The following CSMD1 variants were observed in gnomAD, a reference collection of about 807,000 sequenced individuals.
The protein encoded by CSMD1 is CUB and sushi domain-containing protein 1.
A neutral mutation model predicts 417.5 loss-of-function variants in CSMD1; 213 were observed. That is an observed-to-expected ratio of 0.51 (90% confidence interval 0.46 to 0.57). The LOEUF is 0.57. Among genes scored for constraint, CSMD1 ranks in the 20% least tolerant of loss-of-function variants. CSMD1 has a pLI of 0.00. For synonymous variants in CSMD1, 2,862 were observed against 1,736.8 expected (o/e 1.65, Z -16.11); for missense variants, 6,923 against 4,529.7 (o/e 1.53, Z -15.17).
intron 7 of CSMD1, among the ~76,000 whole-genome samples, chr8:3,639,295 T>C (rs537470813): frequency 1.3e-5 from 2 of 152,332 alleles, no homozygotes; most frequent in East Asian, 3.9e-4. Context: ...TTATTATTAC[T>C]ATTTTTGCTT....
chr8:4,051,734 A>C (rs886266942), intron 3 of CSMD1, among the ~76,000 whole-genome samples: 1 of 152,172 alleles, frequency 6.6e-6, no homozygotes, highest in Non-Finnish European at 1.5e-5. Context: ...GGATTAAAGA[A>C]AGGCAAAGAA....
chr8:3,537,478 G>A (rs374508288), intron 10 of CSMD1, among the ~76,000 whole-genome samples: 13 of 152,132 alleles, frequency 8.5e-5, no homozygotes, highest in East Asian at 3.9e-4. Flanking sequence ...TATGTAAAGT[G>A]ATTTCCTCAG....
intron 1 of CSMD1, among the ~76,000 whole-genome samples, chr8:4,790,636 A>C (rs930420959): frequency 7.9e-5 from 12 of 152,166 alleles, no homozygotes; most frequent in African/African-American, 2.7e-4. Context: ...AAGCAGACAC[A>C]TAGACCAATG....
intron 4 of CSMD1, among the ~76,000 whole-genome samples, chr8:4,025,368 G>C (rs922348370): frequency 1.3e-5 from 2 of 152,126 alleles, no homozygotes; most frequent in African/African-American, 4.8e-5. Flanking sequence ...CTATTTCCCT[G>C]TAGGACCCTA....
chr8:4,374,371 A>T (rs989651102), intron 3 of CSMD1, among the ~76,000 whole-genome samples: 1 of 152,126 alleles, frequency 6.6e-6, no homozygotes, highest in Non-Finnish European at 1.5e-5. Context: ...GTGTCAGGGG[A>T]TATCAGTAAT....
chr8:3,253,298 C>T (rs535344322), intron 26 of CSMD1, among the ~76,000 whole-genome samples: 29 of 152,182 alleles, frequency 1.9e-4, no homozygotes, highest in South Asian at 8.3e-4. Context: ...CCAGTAGTCA[C>T]TCAGGAGCAG....
chr8:4,537,783 C>G (rs192828689), intron 2 of CSMD1, among the ~76,000 whole-genome samples: 1 of 152,166 alleles, frequency 6.6e-6, no homozygotes, highest in Non-Finnish European at 1.5e-5. Context: ...GGCATGCAGC[C>G]GTTGCTGACT....
At chr8:4,100,008 T>C (rs573081564) in intron 3 of CSMD1, among the ~76,000 whole-genome samples, 1 of 123,516 alleles carries the variant, frequency 8.1e-6, no homozygotes, top group African/African-American at 3.1e-5. Context: ...TTTATTTTCA[T>C]TTTTATGACT....
intron 23 of CSMD1, among the ~76,000 whole-genome samples, chr8:3,330,496 C>G (rs151230697): frequency 1.1e-3 from 172 of 152,270 alleles, no homozygotes; most frequent in Middle Eastern, 6.8e-3. Context: ...AAGGCAGAAA[C>G]AGGAAACCAA....
At chr8:3,306,521 C>T (rs1265945191) in intron 25 of CSMD1, among the ~76,000 whole-genome samples, 1 of 152,180 alleles carries the variant, frequency 6.6e-6, no homozygotes, top group Non-Finnish European at 1.5e-5. Flanking sequence ...GGAGCTGAAG[C>T]AGCTGGGCTG....
intron 3 of CSMD1, among the ~76,000 whole-genome samples, chr8:4,195,090 G>A (rs1799253808): frequency 1.3e-5 from 2 of 152,154 alleles, no homozygotes; most frequent in Non-Finnish European, 2.9e-5. Flanking sequence ...TTCTGCCCAT[G>A]AAATTGGAAA....
In CSMD1 at chr8:3,849,599, A is replaced by G. The variant is rs552373353; in HGVS notation, c.819-95557T>C. Among the ~76,000 whole-genome samples the G allele has an allele frequency of 1.7e-3, 262 of 152,316 alleles. 5 individuals carry two copies. Among genetic ancestry groups the G allele is most frequent in the Non-Finnish European group, 5.3e-4 (36 of 68,026 alleles). ...CTAATGCTCCACATGGGAAAAGAAC[A>G]GTGATTCCTGGGCCTGTCTGCTGGA... On this transcript the variant is annotated intron_variant, in intron 5 of 69. Coordinates refer to ENST00000635120, the MANE Select transcript of CSMD1 (RefSeq NM_033225.6).
At chr8:4,955,108 G>T (rs1316604397) in intron 1 of CSMD1, among the ~76,000 whole-genome samples, 1 of 152,046 alleles carries the variant, frequency 6.6e-6, no homozygotes, top group Non-Finnish European at 1.5e-5. Context: ...CACAGAAATG[G>T]CTTTAAATGG....
At chr8:4,705,677 G>A (rs1403717523) in intron 1 of CSMD1, among the ~76,000 whole-genome samples, 1 of 152,152 alleles carries the variant, frequency 6.6e-6, no homozygotes, top group Admixed American at 6.5e-5. Flanking sequence ...CGTGTCATAT[G>A]AATATCACTC....
At chr8:3,516,606 G>T (rs1389875345) in intron 10 of CSMD1, among the ~76,000 whole-genome samples, 1 of 152,040 alleles carries the variant, frequency 6.6e-6, no homozygotes, top group Admixed American at 6.6e-5. Flanking sequence ...AGTTTAAGAG[G>T]ATGTTTATTT....
At chr8:4,557,990 C>G (rs1181664298) in intron 2 of CSMD1, among the ~76,000 whole-genome samples, 1 of 152,096 alleles carries the variant, frequency 6.6e-6, no homozygotes, top group Non-Finnish European at 1.5e-5. Flanking sequence ...ACTACAGTGA[C>G]CAGCTGCCTT....
chr8:3,007,042 T>A lies in CSMD1; in HGVS notation c.8030-6911A>T, dbSNP rs1585136390. On this transcript the variant is annotated intron_variant, in intron 52 of 69. Transcript: ENST00000635120. ...CTACTCATCTGACAAAGGGCTAATATCCAGAATCTACAATGAACTCAAACA... is the reference window on the plus strand; with the variant it reads ...CTACTCATCTGACAAAGGGCTAATAACCAGAATCTACAATGAACTCAAACA... 8.9e-5 allele frequency among the ~76,000 whole-genome samples: 13 copies of A among 145,842 alleles called. No homozygotes were observed. In the South Asian group the frequency reaches 2.5e-3, roughly 28 times the overall value.
intron 3 of CSMD1, among the ~76,000 whole-genome samples, chr8:4,301,838 T>C (rs919324157): frequency 6.6e-6 from 1 of 151,958 alleles, no homozygotes; most frequent in African/African-American, 2.4e-5. Flanking sequence ...TCAGAAAGCA[T>C]CGGTGATTTC....
intron 21 of CSMD1, among the ~76,000 whole-genome samples, chr8:3,349,015 T>A (rs1170461920): frequency 6.6e-6 from 1 of 152,198 alleles, no homozygotes; most frequent in Non-Finnish European, 1.5e-5. Flanking sequence ...GGTTTGTCTG[T>A]GCCAAGAGAG....
Sources: gnomAD v4.1 joint callset for allele counts (sites outside exome capture counted in the v4.1 genomes callset) on GRCh38, gnomAD v4.1.1 for gene constraint, MANE v1.5 for transcripts, NCBI Gene and HGNC (gene_info 2026-07-23, HGNC 2026-07-21) for gene names.